Variants in AP4E1 observed in about 807,000 individuals in gnomAD.
AP4E1 encodes AP-4 complex subunit epsilon-1.
AP4E1 carries 56 observed loss-of-function variants against 128.2 expected under a neutral mutation model. The ratio of observed to expected loss-of-function variants is 0.44; its 90% CI spans 0.35 to 0.55. The LOEUF (loss-of-function observed/expected upper bound fraction) is 0.55, where lower values mean the gene tolerates loss of function less well. Among genes scored for constraint, AP4E1 ranks in the 20% least tolerant of loss-of-function variants. AP4E1 has a pLI of 0.00. For missense variants in AP4E1, 1,324 were observed against 1,307.7 expected (o/e 1.01, Z -0.19); for synonymous variants, 484 against 473.1 (o/e 1.02, Z -0.30).
intron 15 of AP4E1, among the ~76,000 whole-genome samples, chr15:50,976,147 A>G (rs918825624): frequency 3.3e-5 from 5 of 152,190 alleles, no homozygotes; most frequent in African/African-American, 7.2e-5. Context: ...TAGGCAAAAT[A>G]CTAGGAAACT....
intron 15 of AP4E1, among the ~76,000 whole-genome samples, chr15:50,983,064 T>C (rs1199005831): frequency 6.6e-6 from 1 of 152,148 alleles, no homozygotes; most frequent in African/African-American, 2.4e-5. Flanking sequence ...AATTAAAAAA[T>C]AAAGAAACAA....
chr15:50,911,463 T>C (rs1465949025), intron 1 of AP4E1, among the ~76,000 whole-genome samples: 1 of 150,114 alleles, frequency 6.7e-6, no homozygotes, highest in African/African-American at 2.5e-5. Context: ...GAATTTCTAC[T>C]CTCTCTCCAC....
chr15:50,992,150 T>G (rs1444423465), intron 16 of AP4E1, among the ~76,000 whole-genome samples: 2 of 152,046 alleles, frequency 1.3e-5, no homozygotes, highest in Admixed American at 6.6e-5. Flanking sequence ...CAACAAACCA[T>G]GTACCCTAGG....
chr15:50,945,630 G>A, intron 10 of AP4E1: 3 of 769,176 alleles, frequency 3.9e-6, no homozygotes, highest in Non-Finnish European at 7.2e-6. Context: ...ATCACACAAA[G>A]CGAATGCAAC....
At chr15:51,000,141 CTTTTTTTTTT>C (rs11383470) in intron 19 of AP4E1, among the ~76,000 whole-genome samples, 1 of 120,818 alleles carries the variant, frequency 8.3e-6, no homozygotes, top group Non-Finnish European at 1.6e-5. Context: ...TTTGTTCATT[CTTTTTTTTTT>C]TTTTTTTTTT....
At chr15:50,981,406 GAATAT>G (rs1567253372) in intron 15 of AP4E1, among the ~76,000 whole-genome samples, 110 of 152,260 alleles carry the variant, frequency 7.2e-4, no homozygotes, top group African/African-American at 2.3e-3. Context: ...TTTGGAATGG[GAATAT>G]CTACTTTATG....
intron 2 of AP4E1, among the ~76,000 whole-genome samples, chr15:50,913,629 T>C (rs1447433197): frequency 6.6e-6 from 1 of 152,250 alleles, no homozygotes; most frequent in Non-Finnish European, 1.5e-5. Context: ...TGAGATGTAA[T>C]CTCACTTAGA....
At chr15:50,988,745 C>T (rs1406544547) in intron 16 of AP4E1, among the ~76,000 whole-genome samples, 4 of 152,156 alleles carry the variant, frequency 2.6e-5, no homozygotes, top group African/African-American at 9.7e-5. Flanking sequence ...ATTGCTTTCA[C>T]ACCGTTGTAA....
intron 16 of AP4E1, among the ~76,000 whole-genome samples, chr15:50,988,192 T>C (rs535976966): frequency 3.3e-5 from 5 of 152,216 alleles, no homozygotes; most frequent in Non-Finnish European, 7.3e-5. Flanking sequence ...TGGGGTTACA[T>C]TCTGATAAAC....
At chr15:50,950,335 C>T (rs1288490798) in intron 13 of AP4E1, among the ~76,000 whole-genome samples, 166 bp downstream of exon 13, 3 of 152,158 alleles carry the variant, frequency 2.0e-5, no homozygotes, top group Non-Finnish European at 2.9e-5. Flanking sequence ...TGTTTTTTCT[C>T]TCTGCCATCT....
Position 50,930,797 on chromosome 15 carries a change from G to A in AP4E1, c.703-8G>A, listed in dbSNP as rs981002849. 3.7e-6 allele frequency: 6 copies of A among 1,612,792 alleles called. No homozygotes were observed. Among genetic ancestry groups the A allele is most frequent in the Non-Finnish European group, 5.1e-6 (6 of 1,179,612 alleles). The stretch of plus-strand genomic sequence containing the variant: ...TATTAACAAAGTTTTTTTTGCGGGG[G>A]GATGTAGGAGAATTCATCTGGATAT... On this transcript the variant is annotated splice_region_variant and splice_polypyrimidine_tract_variant and intron_variant, in intron 6 of 20. Coordinates refer to ENST00000261842, the MANE Select transcript of AP4E1 (RefSeq NM_007347.5).
intron 15 of AP4E1, among the ~76,000 whole-genome samples, chr15:50,972,363 C>A (rs1048254562): frequency 6.6e-6 from 1 of 152,106 alleles, no homozygotes; most frequent in Non-Finnish European, 1.5e-5. Context: ...AGGCACACAC[C>A]ACCACGCCTG....
intron 10 of AP4E1, among the ~76,000 whole-genome samples, chr15:50,946,475 C>T (rs2064063359): frequency 6.6e-6 from 1 of 151,990 alleles, no homozygotes; most frequent in Non-Finnish European, 1.5e-5. Flanking sequence ...TCGACTCTTA[C>T]AAAACCATCA....
chr15:50,965,413 G>T (rs2064379009), intron 14 of AP4E1, among the ~76,000 whole-genome samples: 1 of 152,210 alleles, frequency 6.6e-6, no homozygotes, highest in Admixed American at 6.5e-5. Flanking sequence ...CTCCAAAGAT[G>T]GCATGTGCAC....
chr15:50,915,739 T>A, intron 3 of AP4E1, 168 bp downstream of exon 3: 2 of 811,614 alleles, frequency 2.5e-6, no homozygotes, highest in Non-Finnish European at 3.8e-6. Context: ...TTATAGGAAA[T>A]CAGTTTTCCT....
rs375969598 is a variant in AP4E1, at chr15:50,930,851, T to C, written c.749T>C (p.Ile250Thr). ...YKDLTGSFVT[I>T]LKQVVGGKLP... is the part of the protein sequence containing the mutation. Reference sequence around the variant, plus strand: ...GACTTGACTGGGAGTTTTGTAACCATTTTGAAGCAAGTAGTTGGAGGAAAG... The same window carrying C: ...GACTTGACTGGGAGTTTTGTAACCACTTTGAAGCAAGTAGTTGGAGGAAAG... Residue 250 changes from isoleucine to threonine, a missense_variant, in exon 7 of 21, where the codon ATT (isoleucine) becomes ACT (threonine). By Grantham distance (89) the Ile-to-Thr change is moderately conservative. Coordinates refer to ENST00000261842, the MANE Select transcript of AP4E1 (RefSeq NM_007347.5). 6.8e-6 allele frequency: 11 copies of C among 1,614,036 alleles called. No individual in the cohort carries two copies. Among genetic ancestry groups the C allele is most frequent in the Non-Finnish European group, 8.5e-6 (10 of 1,180,016 alleles).
At chr15:50,938,693 C>T (rs373590628) in intron 8 of AP4E1, among the ~76,000 whole-genome samples, 4 of 152,070 alleles carry the variant, frequency 2.6e-5, no homozygotes, top group East Asian at 1.9e-4. Context: ...AACTTCCACT[C>T]CTGATCAGCG....
intron 16 of AP4E1, 79 bp downstream of exon 16, chr15:50,984,224 G>A: frequency 1.3e-6 from 2 of 1,507,174 alleles, no homozygotes; most frequent in East Asian, 2.3e-5. Flanking sequence ...TTCTGCTCCT[G>A]CCTCATATCA....
Position 50,908,707 on chromosome 15 carries a change from A to G in AP4E1, c.-72A>G. The stretch of plus-strand genomic sequence containing the variant: ...AAGTGCCTACGGAGGCCGGGCCGGC[A>G]GCGGCGGCCGGGCATGAAGCCGGGC... On this transcript the variant is annotated 5_prime_UTR_variant, in exon 1 of 21. Transcript: ENST00000261842. 1 of 1,394,460 alleles carries G rather than the reference A, an allele frequency of 7.2e-7. No individual in the cohort carries two copies. The highest frequency in any genetic ancestry group is 9.3e-7 in the Non-Finnish European group (1 of 1,076,810). 86.4% of individuals were successfully genotyped at this position (1,394,460 alleles called of 1,614,324 possible).
Sources: gnomAD v4.1 joint callset for allele counts (sites outside exome capture counted in the v4.1 genomes callset) on GRCh38, gnomAD v4.1.1 for gene constraint, MANE v1.5 for transcripts, NCBI Gene and HGNC (gene_info 2026-07-23, HGNC 2026-07-21) for gene names.